Variants in SPPL2A observed in about 807,000 individuals in gnomAD.
SPPL2A encodes signal peptide peptidase like 2A, also known as signal peptide peptidase-like 2A.
SPPL2A carries 51 observed loss-of-function variants against 63.8 expected under a neutral mutation model. The observed-to-expected ratio is 0.80, with a 90% CI of 0.64 to 1.01. SPPL2A has a LOEUF of 1.01. Among genes scored for constraint, SPPL2A ranks in the 50% least tolerant of loss-of-function variants. The probability of loss-of-function intolerance (pLI) is 0.00; values close to 1 mark genes in which losing one functional copy is unlikely to be tolerated. For synonymous variants in SPPL2A, 188 were observed against 205.8 expected (o/e 0.91, Z 0.74); for missense variants, 553 against 622.7 (o/e 0.89, Z 1.19).
At chr15:50,744,672 G>C (rs1401399149) in intron 5 of SPPL2A, among the ~76,000 whole-genome samples, 1 of 152,146 alleles carries the variant, frequency 6.6e-6, no homozygotes, top group South Asian at 2.1e-4. Context: ...TAAAGTTTTA[G>C]TTAATCTTCA....
At chr15:50,732,748 T>C in intron 8 of SPPL2A, 64 bp from the exon 9 acceptor site, 1 of 951,550 alleles carries the variant, frequency 1.1e-6, no homozygotes, top group Non-Finnish European at 1.7e-6. Context: ...TCAAAAGACA[T>C]AGATCACTGA....
At chr15:50,756,880 C>G (rs62018810) in intron 1 of SPPL2A, among the ~76,000 whole-genome samples, 4,366 of 152,234 alleles carry the variant, frequency 0.029, 80 homozygotes, top group Middle Eastern at 0.1. Flanking sequence ...TCTTTGAAAT[C>G]TGCTGTCACT....
rs1491091833 is a variant in SPPL2A, at chr15:50,703,357, T to TATATATATA, written c.*4442_*4443insTATATATAT. 1 of 58,058 alleles carries TATATATATA rather than the reference T, an allele frequency of 1.7e-5. No homozygotes were observed. The highest frequency in any genetic ancestry group is 7.0e-5 in the African/African-American group (1 of 14,290). The allele number at this position is 58,058 out of a possible 1,614,324, so 3.6% of individuals were successfully genotyped here. On this transcript the variant is annotated 3_prime_UTR_variant, in exon 15 of 15. Transcript: ENST00000261854. ...ATATATATATATATACATATATATA[T>TATATATATA]TTTTTTTTTTTTTTTTTTTTTTTGA...
At chr15:50,747,354 C>T in intron 5 of SPPL2A, 141 bp downstream of exon 5, 1 of 687,298 alleles carries the variant, frequency 1.5e-6, no homozygotes. Context: ...AAATGATCTA[C>T]ATGAGGACAA....
intron 1 of SPPL2A, among the ~76,000 whole-genome samples, chr15:50,758,991 G>A (rs1567168823): frequency 1.3e-5 from 2 of 152,186 alleles, no homozygotes; most frequent in East Asian, 3.9e-4. Context: ...GCTCACTGCT[G>A]CCTTCAACTC....
At chr15:50,752,491 G>A (rs1336376597) in intron 1 of SPPL2A, among the ~76,000 whole-genome samples, 1 of 152,092 alleles carries the variant, frequency 6.6e-6, no homozygotes, top group African/African-American at 2.4e-5. Context: ...GCCGAGGCGG[G>A]TAGACCACCT....
intron 1 of SPPL2A, among the ~76,000 whole-genome samples, chr15:50,762,166 G>T (rs1050790485): frequency 6.6e-6 from 1 of 150,914 alleles, no homozygotes; most frequent in East Asian, 2.0e-4. Flanking sequence ...TCAGGAGTTC[G>T]AGACCAGCCT....
At chr15:50,743,823 CTAAG>C (rs1007822798) in intron 5 of SPPL2A, among the ~76,000 whole-genome samples, 2 of 152,108 alleles carry the variant, frequency 1.3e-5, no homozygotes, top group East Asian at 1.9e-4. Context: ...TAAAGTTTCC[CTAAG>C]TAATATACAA....
chr15:50,712,745 T>C (rs1261181201), intron 14 of SPPL2A, among the ~76,000 whole-genome samples: 3 of 141,026 alleles, frequency 2.1e-5, no homozygotes, highest in African/African-American at 7.8e-5. Flanking sequence ...AGTGATGCGA[T>C]CTCGATCTCG....
chr15:50,719,107 A>G (rs548350022), intron 14 of SPPL2A, among the ~76,000 whole-genome samples: 23 of 152,344 alleles, frequency 1.5e-4, no homozygotes, highest in African/African-American at 5.5e-4. Context: ...AACTTTAATG[A>G]AGAAACCACT....
At chr15:50,760,647 C>T (rs1211116588) in intron 1 of SPPL2A, among the ~76,000 whole-genome samples, 5 of 151,974 alleles carry the variant, frequency 3.3e-5, no homozygotes, top group Admixed American at 2.0e-4. Flanking sequence ...CTGAAGGACC[C>T]ATCTCCAAAT....
At chr15:50,744,605 T>C (rs2062844535) in intron 5 of SPPL2A, among the ~76,000 whole-genome samples, 1 of 152,138 alleles carries the variant, frequency 6.6e-6, no homozygotes, top group Admixed American at 6.6e-5. Context: ...AATAGGAAAA[T>C]CTGAATTTTA....
intron 4 of SPPL2A, 25 bp downstream of exon 4, chr15:50,748,088 A>G: frequency 1.1e-6 from 1 of 917,236 alleles, no homozygotes; most frequent in Non-Finnish European, 1.6e-6. Context: ...TATAAACTTT[A>G]TCTAATATGT....
At chr15:50,731,237 A>C (rs1230441267) in intron 9 of SPPL2A, among the ~76,000 whole-genome samples, 198 bp from the exon 10 acceptor site, 2 of 152,220 alleles carry the variant, frequency 1.3e-5, no homozygotes, top group Non-Finnish European at 2.9e-5. Context: ...TTTTTTAAAA[A>C]AAATCACCGA....
chr15:50,739,326 G>T (rs973290778), intron 6 of SPPL2A, among the ~76,000 whole-genome samples: 1 of 151,876 alleles, frequency 6.6e-6, no homozygotes, highest in East Asian at 1.9e-4. Context: ...TTACAGGCAC[G>T]TGCCACCACA....
At position 50,726,326 on chromosome 15, in the gene SPPL2A, C is replaced by T; in HGVS notation, c.1141G>A (p.Glu381Lys). Residue 381 changes from glutamate (E) to lysine (K), a missense_variant, in exon 11 of 15, where the codon GAA becomes AAA. By Grantham distance (56) the Glu-to-Lys change is moderately conservative (BLOSUM62 1). Coordinates refer to ENST00000261854, the MANE Select transcript of SPPL2A (RefSeq NM_032802.4). The part of the protein sequence containing the change: ...ELAAGPFGNN[E>K]KLPVVIRVPK... The stretch of plus-strand genomic sequence containing the variant: ...TATTTCATTGCCATCCCTACCTTTT[C>T]ATTATTTCCAAAAGGTCCAGCTGCG... 1.2e-6 allele frequency: 2 copies of T among 1,613,590 alleles called. No individual in the cohort carries two copies. The highest frequency in any genetic ancestry group is 1.7e-6 in the Non-Finnish European group (2 of 1,179,510).
At position 50,702,486 on chromosome 15, in the gene SPPL2A, C is replaced by T. The variant is rs947369682; in HGVS notation, c.*5314G>A. On this transcript the variant is annotated 3_prime_UTR_variant, in exon 15 of 15. Transcript: ENST00000261854. Reference sequence around the variant, plus strand: ...TCAAAGTGTTAAAAAAGAAATTCCACACTCAAACCAATTATCTGAGAAGTA... The same window carrying T: ...TCAAAGTGTTAAAAAAGAAATTCCATACTCAAACCAATTATCTGAGAAGTA... 3 of 152,124 alleles carry T rather than the reference C, an allele frequency of 2.0e-5. No individual in the cohort carries two copies. The highest frequency in any genetic ancestry group is 4.4e-5 in the Non-Finnish European group (3 of 68,020). The allele number at this position is 152,124 out of a possible 1,614,324, so 9.4% of individuals were successfully genotyped here.
chr15:50,754,089 G>A (rs140222491), intron 1 of SPPL2A, among the ~76,000 whole-genome samples: 2 of 152,334 alleles, frequency 1.3e-5, no homozygotes, highest in African/African-American at 4.8e-5. Context: ...GAGCCACCAT[G>A]CCCGGACTTC....
At chr15:50,707,987 G>A (rs1380920593) in intron 14 of SPPL2A, 113 bp from the exon 15 acceptor site, 6 of 670,642 alleles carry the variant, frequency 8.9e-6, no homozygotes, top group East Asian at 5.3e-5. Flanking sequence ...CTATGAAACT[G>A]AGCACTCCTT....
Sources: allele counts gnomAD v4.1 joint callset (sites outside exome capture counted in the v4.1 genomes callset), GRCh38; gene constraint gnomAD v4.1.1; transcripts MANE v1.5; gene names NCBI Gene and HGNC (gene_info 2026-07-23, HGNC 2026-07-21).